FAF1: variants seen among roughly 807,000 people sequenced by gnomAD.
FAF1 encodes FAS-associated factor 1.
In FAF1, 25 loss-of-function variants were observed where a neutral mutation model predicts 92.5. The ratio of observed to expected loss-of-function variants is 0.27; its 90% confidence interval spans 0.20 to 0.38. The LOEUF (loss-of-function observed/expected upper bound fraction) is 0.38. Ranked by LOEUF, FAF1 falls within the 10% of genes least tolerant of loss-of-function variation. The probability of loss-of-function intolerance (pLI) is 1.00; values close to 1 mark genes in which losing one functional copy is unlikely to be tolerated. For missense variants in FAF1, 636 were observed against 793.3 expected (o/e 0.80, Z 2.38); for synonymous variants, 234 against 273.2 (o/e 0.86, Z 1.42).
At chr1:50,828,841 T>C (rs1448832042) in intron 2 of FAF1, among the ~76,000 whole-genome samples, 1 of 152,138 alleles carries the variant, frequency 6.6e-6, no homozygotes, top group African/African-American at 2.4e-5. Flanking sequence ...TTCTTGCTTA[T>C]TAAAGACTCA....
intron 8 of FAF1, among the ~76,000 whole-genome samples, chr1:50,611,808 A>C (rs1403791326): frequency 6.6e-6 from 1 of 152,190 alleles, no homozygotes; most frequent in Non-Finnish European, 1.5e-5. Flanking sequence ...ACAGGAATTA[A>C]CTGTCATTTC....
chr1:50,813,470 T>A (rs191886455), intron 2 of FAF1, among the ~76,000 whole-genome samples: 205 of 151,866 alleles, frequency 1.3e-3, no homozygotes, highest in Middle Eastern at 0.01. Flanking sequence ...TTTAAAAAAA[T>A]TTTTTTTTGA....
chr1:50,601,410 G>A (rs1282369825), intron 8 of FAF1, among the ~76,000 whole-genome samples: 2 of 151,982 alleles, frequency 1.3e-5, no homozygotes, highest in East Asian at 1.9e-4. Flanking sequence ...GTGGTGGCTC[G>A]GTGTGAGACA....
chr1:50,762,968 A>T (rs1031365165), intron 4 of FAF1, among the ~76,000 whole-genome samples: 6 of 152,132 alleles, frequency 3.9e-5, no homozygotes, highest in Non-Finnish European at 7.3e-5. Context: ...TAAAATATAG[A>T]ATGTAGGCCA....
chr1:50,483,380 G>A (rs1646724875), intron 17 of FAF1, among the ~76,000 whole-genome samples: 1 of 151,898 alleles, frequency 6.6e-6, no homozygotes, highest in Non-Finnish European at 1.5e-5. Context: ...ATACCACTAT[G>A]TCTTGATTAT....
intron 2 of FAF1, among the ~76,000 whole-genome samples, chr1:50,809,831 G>A (rs1569983804): frequency 6.6e-6 from 1 of 152,318 alleles, no homozygotes; most frequent in African/African-American, 2.4e-5. Flanking sequence ...GAAAGCTTCA[G>A]GCCAATATCA....
At chr1:50,651,526 T>C (rs1402170608) in intron 8 of FAF1, among the ~76,000 whole-genome samples, 2 of 152,166 alleles carry the variant, frequency 1.3e-5, no homozygotes, top group African/African-American at 2.4e-5. Context: ...AACTGAGCAA[T>C]AAAAGTACAA....
chr1:50,941,434 C>T (rs779890768), intron 1 of FAF1, among the ~76,000 whole-genome samples: 1 of 152,188 alleles, frequency 6.6e-6, no homozygotes, highest in Non-Finnish European at 1.5e-5. Flanking sequence ...CCAGGCCAGT[C>T]TGGGACTCCT....
At chr1:50,934,551 C>T (rs1198881539) in intron 1 of FAF1, among the ~76,000 whole-genome samples, 1 of 151,912 alleles carries the variant, frequency 6.6e-6, no homozygotes. Context: ...AGTGAGACCC[C>T]GTCTCTACAA....
At chr1:50,760,172 C>A (rs975520421) in intron 4 of FAF1, among the ~76,000 whole-genome samples, 33 of 152,054 alleles carry the variant, frequency 2.2e-4, no homozygotes, top group Non-Finnish European at 4.0e-4. Context: ...TACAGGAGCA[C>A]CCAGATTCAT....
At chr1:50,618,910 C>A (rs1333004375) in intron 8 of FAF1, among the ~76,000 whole-genome samples, 1 of 151,818 alleles carries the variant, frequency 6.6e-6, no homozygotes, top group Admixed American at 6.6e-5. Flanking sequence ...CACCATACCA[C>A]CATGCCCGGC....
intron 1 of FAF1, among the ~76,000 whole-genome samples, chr1:50,888,027 A>G (rs1192560331): frequency 6.6e-6 from 1 of 152,144 alleles, no homozygotes; most frequent in Non-Finnish European, 1.5e-5. Flanking sequence ...ATGTTCTTCC[A>G]TTTGTTTGTA....
At chr1:50,467,421 C>G (rs1204835194) in intron 18 of FAF1, among the ~76,000 whole-genome samples, 5 of 152,170 alleles carry the variant, frequency 3.3e-5, no homozygotes, top group Non-Finnish European at 7.3e-5. Flanking sequence ...TCAAGTGATT[C>G]TCCTGCCTCA....
intron 2 of FAF1, among the ~76,000 whole-genome samples, chr1:50,844,265 C>G (rs1437460469): frequency 6.6e-6 from 1 of 151,990 alleles, no homozygotes; most frequent in Admixed American, 6.5e-5. Context: ...CCTTATATAG[C>G]CTGGTTTTTA....
At chr1:50,718,596 T>C (rs1037819613) in intron 6 of FAF1, among the ~76,000 whole-genome samples, 24 of 152,374 alleles carry the variant, frequency 1.6e-4, no homozygotes, top group African/African-American at 5.8e-4. Context: ...AATTGGCTTA[T>C]AAGGTTCATC....
At chr1:50,516,855 T>C (rs182840006) in intron 15 of FAF1, among the ~76,000 whole-genome samples, 1 of 152,342 alleles carries the variant, frequency 6.6e-6, no homozygotes, top group South Asian at 2.1e-4. Context: ...ACACTTTGGA[T>C]TGGTTGCAAA....
intron 6 of FAF1, among the ~76,000 whole-genome samples, chr1:50,713,678 C>T (rs1261929266): frequency 6.6e-6 from 1 of 151,966 alleles, no homozygotes; most frequent in Non-Finnish European, 1.5e-5. Context: ...GTTGACCATG[C>T]TAGTCTCCTC....
At chr1:50,572,286 C>T (rs1009217203) in intron 12 of FAF1, among the ~76,000 whole-genome samples, 13 of 152,192 alleles carry the variant, frequency 8.5e-5, no homozygotes, top group Non-Finnish European at 1.6e-4. Flanking sequence ...TGTTTGCAGA[C>T]ACTATGACAC....
chr1:50,956,586 G>T (rs1349746171), intron 1 of FAF1, among the ~76,000 whole-genome samples: 1 of 152,044 alleles, frequency 6.6e-6, no homozygotes, highest in African/African-American at 2.4e-5. Context: ...AAACTGATTT[G>T]CCCAGTTACA....
Sources: allele counts gnomAD v4.1 joint callset (sites outside exome capture counted in the v4.1 genomes callset), GRCh38; gene constraint gnomAD v4.1.1; transcripts MANE v1.5; gene names NCBI Gene and HGNC (gene_info 2026-07-23, HGNC 2026-07-21).